ADORA2B: variants seen among roughly 807,000 people sequenced by gnomAD.
ADORA2B encodes the protein adenosine receptor A2b.
A neutral mutation model predicts 20.8 loss-of-function variants in ADORA2B; 18 were observed. That is an observed-to-expected ratio of 0.87 (90% CI 0.60 to 1.29). ADORA2B has a LOEUF of 1.29. Ranked by LOEUF, ADORA2B falls within the 50% of genes most tolerant of loss-of-function variation. ADORA2B has a pLI of 0.00. For synonymous variants in ADORA2B, 179 were observed against 178.3 expected (o/e 1.00, Z -0.03); for missense variants, 441 against 422.7 (o/e 1.04, Z -0.38).
chr17:15,968,141 A>T (rs1483188763), intron 1 of ADORA2B, among the ~76,000 whole-genome samples: 2 of 152,186 alleles, frequency 1.3e-5, no homozygotes, highest in Non-Finnish European at 2.9e-5. Context: ...GAGAAGTAAC[A>T]AGGGCTATGG....
chr17:15,973,698 T>C (rs772525074), intron 1 of ADORA2B, among the ~76,000 whole-genome samples: 3 of 152,176 alleles, frequency 2.0e-5, no homozygotes, highest in Admixed American at 6.5e-5. Flanking sequence ...TGTGGAAACA[T>C]TGTCTTCCAT....
intron 1 of ADORA2B, among the ~76,000 whole-genome samples, chr17:15,966,470 A>G (rs541887453): frequency 6.6e-6 from 1 of 152,290 alleles, no homozygotes; most frequent in African/African-American, 2.4e-5. Flanking sequence ...TTGATTTCTA[A>G]GCCTGGTTTG....
At chr17:15,915,137 C>T in the ADORA2B span, among the ~76,000 whole-genome samples, 5 of 152,156 alleles carry the variant, frequency 3.3e-5, no homozygotes, top group Non-Finnish European at 7.3e-5. Flanking sequence ...GAAGAGAATC[C>T]GCCTTCTTGC....
chr17:15,870,997 A>G, the ADORA2B span, among the ~76,000 whole-genome samples: 1 of 152,128 alleles, frequency 6.6e-6, no homozygotes, highest in Admixed American at 6.5e-5. Flanking sequence ...GCATTGTGCT[A>G]CAACCTAACA....
the ADORA2B span, among the ~76,000 whole-genome samples, chr17:15,877,095 G>C: frequency 5.3e-5 from 8 of 152,184 alleles, 1 homozygote; most frequent in South Asian, 1.7e-3. Context: ...TTCTTTTTAA[G>C]GCTGAATAAA....
upstream of ADORA2B, chr17:15,944,959 G>C (rs968522101): frequency 3.7e-5 from 9 of 244,496 alleles, no homozygotes; most frequent in African/African-American, 2.0e-4. The surrounding 1 kb of genome is among the most constrained non-coding windows in gnomAD (Gnocchi z 4.8). Context: ...ACGCGGCACG[G>C]CGCCTGGACC....
the ADORA2B span, among the ~76,000 whole-genome samples, chr17:15,876,537 G>A: frequency 6.8e-6 from 1 of 146,006 alleles, no homozygotes; most frequent in Non-Finnish European, 1.5e-5. Flanking sequence ...TATTTCATTG[G>A]TAATTTCTTC....
At chr17:15,866,166 T>C in the ADORA2B span, among the ~76,000 whole-genome samples, 9 of 152,052 alleles carry the variant, frequency 5.9e-5, no homozygotes, top group African/African-American at 1.9e-4. Context: ...TTCCTGTTGG[T>C]TACATCCTTC....
chr17:15,946,562 A>C (rs1338833971), intron 1 of ADORA2B, among the ~76,000 whole-genome samples: 2 of 152,236 alleles, frequency 1.3e-5, no homozygotes, highest in African/African-American at 4.8e-5. Flanking sequence ...GGGAAACTAA[A>C]TCACAGAGTA....
chr17:15,885,144 T>A, the ADORA2B span, among the ~76,000 whole-genome samples: 2 of 152,206 alleles, frequency 1.3e-5, no homozygotes, highest in East Asian at 3.8e-4. Context: ...CTCATTTTGG[T>A]TTTTATTTGC....
chr17:15,952,853 A>G (rs774082335), intron 1 of ADORA2B, among the ~76,000 whole-genome samples: 15 of 152,220 alleles, frequency 9.9e-5, no homozygotes, highest in Non-Finnish European at 1.9e-4. Flanking sequence ...GGCTTTAGCC[A>G]TGGTTATTCT....
chr17:15,956,590 CTTTTTTTTTTTTTT>C (rs11290214), intron 1 of ADORA2B, among the ~76,000 whole-genome samples: 8 of 51,420 alleles, frequency 1.6e-4, no homozygotes, highest in Non-Finnish European at 2.2e-4. Context: ...TTATGTGTGT[CTTTTTTTTTTTTTT>C]TTTTTTTTTT....
chr17:15,897,019 A>C, the ADORA2B span, among the ~76,000 whole-genome samples: 1 of 152,220 alleles, frequency 6.6e-6, no homozygotes, highest in African/African-American at 2.4e-5. Flanking sequence ...TGTCTGTCTC[A>C]GAGCTTAAGA....
chr17:15,924,481 G>A, the ADORA2B span, among the ~76,000 whole-genome samples: 1 of 152,076 alleles, frequency 6.6e-6, no homozygotes, highest in African/African-American at 2.4e-5. Flanking sequence ...AAGTTAGGCA[G>A]TATTCTTTGG....
At chr17:15,886,358 A>C in the ADORA2B span, among the ~76,000 whole-genome samples, 1 of 122,902 alleles carries the variant, frequency 8.1e-6, no homozygotes, top group East Asian at 2.2e-4. Flanking sequence ...GTAGAACCAC[A>C]CTTCCCTGTG....
chr17:15,875,731 T>A, the ADORA2B span, among the ~76,000 whole-genome samples: 25 of 152,262 alleles, frequency 1.6e-4, no homozygotes, highest in African/African-American at 5.8e-4. Flanking sequence ...TACAGGCACA[T>A]GCCACCACAC....
the ADORA2B span, among the ~76,000 whole-genome samples, chr17:15,903,580 C>G: frequency 6.6e-6 from 1 of 152,194 alleles, no homozygotes; most frequent in Admixed American, 6.5e-5. Flanking sequence ...GTCAAGCCTC[C>G]CAGCCCATCC....
chr17:15,901,203 C>CA, the ADORA2B span, among the ~76,000 whole-genome samples: 1 of 152,172 alleles, frequency 6.6e-6, no homozygotes, highest in African/African-American at 2.4e-5. Context: ...CAGTGGCTCA[C>CA]ACCTGTAATC....
chr17:15,854,226 AT>A, the ADORA2B span, among the ~76,000 whole-genome samples: 10 of 152,328 alleles, frequency 6.6e-5, no homozygotes, highest in Admixed American at 1.3e-4. Context: ...AAGTGCTGGG[AT>A]TACAGGCGTG....
Sources: gnomAD v4.1 joint callset for allele counts (sites outside exome capture counted in the v4.1 genomes callset) on GRCh38, gnomAD v4.1.1 for gene constraint, Gnocchi (gnomAD v3.1) non-coding constraint, MANE v1.5 for transcripts, NCBI Gene and HGNC (gene_info 2026-07-23, HGNC 2026-07-21) for gene names.